The following TTC6 variants were observed in gnomAD, a reference collection of about 807,000 sequenced individuals.
TTC6 encodes the protein tetratricopeptide repeat protein 6.
In TTC6, 172 loss-of-function variants were observed where a neutral mutation model predicts 210.4. The ratio of observed to expected loss-of-function variants is 0.82; its 90% CI spans 0.72 to 0.93. TTC6 has a LOEUF of 0.93. Among genes scored for constraint, TTC6 ranks in the 40% least tolerant of loss-of-function variants. The probability of loss-of-function intolerance (pLI) is 0.00; values close to 1 mark genes in which losing one functional copy is unlikely to be tolerated. For synonymous variants in TTC6, 804 were observed against 819.6 expected, an observed-to-expected ratio of 0.98 and a Z score of 0.32; for missense variants, 2,414 against 2,318.1, an observed-to-expected ratio of 1.04 and a Z score of -0.85.
At chr14:37,769,372 G>A (rs1270365568) in intron 14 of TTC6, among the ~76,000 whole-genome samples, 1 of 151,574 alleles carries the variant, frequency 6.6e-6, no homozygotes, top group Admixed American at 6.6e-5. Context: ...GTTTCAGAAG[G>A]AATGGTACCA....
At chr14:37,768,935 G>A (rs1393843002) in intron 14 of TTC6, among the ~76,000 whole-genome samples, 1 of 151,014 alleles carries the variant, frequency 6.6e-6, no homozygotes, top group Non-Finnish European at 1.5e-5. Context: ...ATTGGCTGTG[G>A]GTTTGTCATA....
At chr14:37,603,168 GGT>G (rs1470645317) in intron 1 of TTC6, among the ~76,000 whole-genome samples, 1 of 152,160 alleles carries the variant, frequency 6.6e-6, no homozygotes, top group Non-Finnish European at 1.5e-5. Flanking sequence ...TTAGGATTGG[GGT>G]GGGGCAGCAT....
intron 7 of TTC6, among the ~76,000 whole-genome samples, chr14:37,727,291 A>ATTTTT (rs368293440): frequency 9.8e-5 from 9 of 92,244 alleles, no homozygotes; most frequent in Non-Finnish European, 1.5e-4. Context: ...TATTTTTCTA[A>ATTTTT]TTTTTTTTTT....
intron 25 of TTC6, among the ~76,000 whole-genome samples, chr14:37,813,361 C>A (rs1183217840): frequency 6.6e-6 from 1 of 152,106 alleles, no homozygotes. Flanking sequence ...AAGTAAAGAA[C>A]CTCCCTGTTT....
At chr14:37,677,977 C>T (rs2095774064) in intron 1 of TTC6, among the ~76,000 whole-genome samples, 1 of 151,964 alleles carries the variant, frequency 6.6e-6, no homozygotes, top group Admixed American at 6.6e-5. Flanking sequence ...TCCTTATTTG[C>T]TAATTCTGAA....
chr14:37,702,710 A>G (rs1042268122), intron 5 of TTC6, among the ~76,000 whole-genome samples: 5 of 152,186 alleles, frequency 3.3e-5, no homozygotes, highest in African/African-American at 9.6e-5. Context: ...CTATCACAAG[A>G]TTATTAGTAC....
chr14:37,778,707 G>A (rs1357872616), intron 14 of TTC6, among the ~76,000 whole-genome samples: 1 of 152,072 alleles, frequency 6.6e-6, no homozygotes, highest in African/African-American at 2.4e-5. Flanking sequence ...AGTCAGGGGT[G>A]GTCTGCCAGT....
chr14:37,680,240 G>A, exon 2 of TTC6: 3 of 1,530,542 alleles, frequency 2.0e-6, no homozygotes, highest in African/African-American at 1.4e-5. Flanking sequence ...AATTCCAGAT[G>A]GGTGCTGAGG....
In TTC6 at chr14:37,819,353, C is replaced by T. The variant is rs530570903; in HGVS notation, c.4763+1702C>T. Among the ~76,000 whole-genome samples, 25 of 152,204 alleles carry T rather than the reference C, an allele frequency of 1.6e-4. No individual in the cohort carries two copies. The South Asian group carries it at 4.4e-3, about 27-fold the overall frequency. On this transcript the variant is annotated intron_variant, in intron 26 of 30. Coordinates refer to ENST00000553443, the Ensembl canonical transcript of TTC6. Reference sequence around the variant, plus strand: ...GGGGATTCATTCCTGATGTGTCTTACAGTAGGGAAAGTAAACATTTTCTCA... The same window carrying T: ...GGGGATTCATTCCTGATGTGTCTTATAGTAGGGAAAGTAAACATTTTCTCA...
intron 3 of TTC6, among the ~76,000 whole-genome samples, chr14:37,692,148 T>C (rs1347286566): frequency 3.2e-5 from 4 of 124,192 alleles, no homozygotes; most frequent in Non-Finnish European, 6.3e-5. Flanking sequence ...AAGGGAATGC[T>C]TCCAAACTCA....
chr14:37,603,282 G>T (rs2095619239), intron 1 of TTC6, among the ~76,000 whole-genome samples: 1 of 152,182 alleles, frequency 6.6e-6, no homozygotes, highest in African/African-American at 2.4e-5. Context: ...GAGGAGCCTG[G>T]ACCTGATGCC....
chr14:37,738,642 A>G (rs1472651219), intron 9 of TTC6, 134 bp from the exon 12 acceptor site: 3 of 761,172 alleles, frequency 3.9e-6, no homozygotes, highest in Non-Finnish European at 5.7e-6. Flanking sequence ...TAATTTTAAG[A>G]ATACTGATTT....
At chr14:37,710,994 C>T (rs2095843776) in intron 5 of TTC6, among the ~76,000 whole-genome samples, 1 of 152,126 alleles carries the variant, frequency 6.6e-6, no homozygotes, top group African/African-American at 2.4e-5. Flanking sequence ...GGCTATAACA[C>T]AGATAGCTAG....
At chr14:37,622,839 G>A in exon 1 of TTC6, 1 of 1,534,070 alleles carries the variant, frequency 6.5e-7, no homozygotes. Flanking sequence ...GCCCAGCGAC[G>A]CGCGGGAGGC....
chr14:37,628,399 A>C (rs2095664033), intron 1 of TTC6, among the ~76,000 whole-genome samples: 1 of 152,188 alleles, frequency 6.6e-6, no homozygotes, highest in African/African-American at 2.4e-5. Flanking sequence ...TGACCACATA[A>C]ATGTCTTCTT....
intron 13 of TTC6, among the ~76,000 whole-genome samples, chr14:37,752,613 T>A (rs2095955631): frequency 6.6e-6 from 1 of 152,112 alleles, no homozygotes; most frequent in Non-Finnish European, 1.5e-5. Context: ...TGATATATGA[T>A]TTAGTCTGTT....
intron 6 of TTC6, among the ~76,000 whole-genome samples, chr14:37,719,760 A>G (rs1484528202): frequency 3.3e-5 from 5 of 152,200 alleles, no homozygotes; most frequent in South Asian, 2.1e-4. Context: ...TAGAAAAAAC[A>G]TAGGAGATCT....
In TTC6 at chr14:37,717,757, A is replaced by AAAAGAAAG. The variant is rs531684744; in HGVS notation, c.1713+2981_1713+2988dup. Among the ~76,000 whole-genome samples the AAAAGAAAG allele has an allele frequency of 2.4e-3, 358 of 152,150 alleles. 2 individuals carry two copies. Among genetic ancestry groups the AAAAGAAAG allele is most frequent in the African/African-American group, 8.3e-3 (346 of 41,498 alleles). ...TAGACAAAGACAGTAAAAAAAACAA[A>AAAAGAAAG]AAAGAAAGAAAGAAAGAAAGAAAGA... On this transcript the variant is annotated intron_variant, in intron 6 of 30. Transcript: ENST00000553443.
chr14:37,634,577 T>C (rs1174959184), intron 1 of TTC6, among the ~76,000 whole-genome samples: 2 of 152,086 alleles, frequency 1.3e-5, no homozygotes, highest in Admixed American at 6.6e-5. Flanking sequence ...AAAGAAATAA[T>C]GGCTAGAAAC....
Sources: allele counts gnomAD v4.1 joint callset (sites outside exome capture counted in the v4.1 genomes callset), GRCh38; gene constraint gnomAD v4.1.1; transcripts MANE v1.5; gene names NCBI Gene and HGNC (gene_info 2026-07-23, HGNC 2026-07-21).